ZDHHC11: variants seen among roughly 807,000 people sequenced by gnomAD.
ZDHHC11 encodes palmitoyltransferase ZDHHC11.
Under a neutral mutation model 51.3 loss-of-function variants are expected in ZDHHC11, and 44 were observed. The observed-to-expected ratio is 0.86, with a 90% CI of 0.67 to 1.10. ZDHHC11 has a LOEUF of 1.10. Ranked by LOEUF, ZDHHC11 falls within the 50% of genes least tolerant of loss-of-function variation. The pLI is 0.00. For synonymous variants in ZDHHC11, 163 were observed against 222.0 expected, an observed-to-expected ratio of 0.73 and a Z score of 2.36; for missense variants, 400 against 537.7, an observed-to-expected ratio of 0.74 and a Z score of 2.53.
intron 7 of ZDHHC11, among the ~76,000 whole-genome samples, chr5:833,218 G>A (rs548920743): frequency 2.6e-4 from 39 of 152,268 alleles, no homozygotes; most frequent in African/African-American, 3.8e-4. Flanking sequence ...CTGAAAATGC[G>A]CGTGCCCTTT....
At position 822,089 on chromosome 5, in the gene ZDHHC11, C is replaced by CTA. The variant is rs1006470485; in HGVS notation, c.1024-196_1024-195dup. Among the ~76,000 whole-genome samples the CTA allele has an allele frequency of 2.6e-5, 4 of 151,444 alleles. 2 individuals carry two copies. The highest frequency in any genetic ancestry group is 5.9e-5 in the Non-Finnish European group (4 of 67,744). On this transcript the variant is annotated intron_variant, in intron 8 of 12. Transcript: ENST00000283441. ...CCCAATCCTTGTATTATGGGCTGAA[C>CTA]TATATCCTCCTCCAAATTCATAGGT...
intron 1 of ZDHHC11, chr5:849,640 CCA>C (rs1746838183): frequency 6.6e-6 from 1 of 152,348 alleles, no homozygotes; most frequent in East Asian, 1.9e-4. Flanking sequence ...CTCGAGGACC[CCA>C]GACTCACTCA....
rs1417237875 is a variant in ZDHHC11 at position 796,490 on chromosome 5, G to A, written c.*98C>T. On this transcript the variant is annotated 3_prime_UTR_variant, in exon 13 of 13. Transcript: ENST00000283441. The stretch of plus-strand genomic sequence containing the variant: ...TGGCCTGTAGCATGGGTAGGAGCAG[G>A]AGGCTTTGCAAGGTAGACTCTACAG... The A allele has an allele frequency of 6.7e-6, 1 of 148,670 alleles. No individual in the cohort carries two copies. Among genetic ancestry groups the A allele is most frequent in the Non-Finnish European group, 1.5e-5 (1 of 66,974 alleles). The allele number at this position is 148,670 out of a possible 1,614,324, so 9.2% of individuals were successfully genotyped here.
At chr5:810,781 T>C (rs1362272454) in intron 11 of ZDHHC11, among the ~76,000 whole-genome samples, 1 of 151,826 alleles carries the variant, frequency 6.6e-6, no homozygotes, top group Non-Finnish European at 1.5e-5. Context: ...GTATAACACT[T>C]TTCACATTCA....
intron 1 of ZDHHC11, among the ~76,000 whole-genome samples, chr5:856,283 A>G (rs370864547): frequency 3.4e-5 from 5 of 147,570 alleles, no homozygotes; most frequent in African/African-American, 1.3e-4. Flanking sequence ...CACAACACAC[A>G]AAACACAACA....
intron 6 of ZDHHC11, among the ~76,000 whole-genome samples, chr5:834,698 G>C (rs1743577581): frequency 6.6e-6 from 1 of 152,300 alleles, no homozygotes; most frequent in Admixed American, 6.5e-5. Context: ...CACAAATTGA[G>C]GGTTTGTGGT....
At chr5:838,207 G>T (rs1415156656) in intron 5 of ZDHHC11, among the ~76,000 whole-genome samples, 4 of 151,958 alleles carry the variant, frequency 2.6e-5, no homozygotes, top group East Asian at 1.9e-4. Flanking sequence ...TACCCACCTG[G>T]CCTGTCCTGC....
chr5:852,504 G>A (rs544617283), upstream of ZDHHC11, among the ~76,000 whole-genome samples: 2 of 152,378 alleles, frequency 1.3e-5, no homozygotes, highest in South Asian at 4.1e-4. Context: ...AGACCCCACA[G>A]AGGACAACGA....
intron 7 of ZDHHC11, among the ~76,000 whole-genome samples, chr5:828,277 C>G (rs974181593): frequency 6.6e-6 from 1 of 151,308 alleles, no homozygotes; most frequent in Non-Finnish European, 1.5e-5. Flanking sequence ...GGGTGGTGGC[C>G]GGGCAGAGGG....
chr5:799,636 A>G (rs1738126339), intron 12 of ZDHHC11, among the ~76,000 whole-genome samples: 1 of 150,992 alleles, frequency 6.6e-6, no homozygotes, highest in Non-Finnish European at 1.5e-5. Flanking sequence ...AGGCTCTGCT[A>G]CTCCTCAGCC....
At chr5:849,285 G>A (rs1357831696) in intron 1 of ZDHHC11, among the ~76,000 whole-genome samples, 4 of 152,250 alleles carry the variant, frequency 2.6e-5, no homozygotes, top group Middle Eastern at 6.8e-3. Flanking sequence ...CACCCCCAGA[G>A]GCTCAGTCAG....
In ZDHHC11 at chr5:850,677, C is replaced by G; in HGVS notation, c.-75G>C. 1 of 1,556,654 alleles carries G rather than the reference C, an allele frequency of 6.4e-7. No individual in the cohort carries two copies. Among genetic ancestry groups the G allele is most frequent in the Non-Finnish European group, 8.7e-7 (1 of 1,143,848 alleles). ...CGGCCCCGCCCACTGTCACAGAGAC[C>G]AAGGGGACTGGGAATGCAGCCGCCA... On this transcript the variant is annotated 5_prime_UTR_variant, in exon 1 of 13. Coordinates refer to ENST00000283441, the MANE Select transcript of ZDHHC11 (RefSeq NM_024786.3).
chr5:836,990 G>A (rs569583533), intron 6 of ZDHHC11, among the ~76,000 whole-genome samples: 23 of 151,550 alleles, frequency 1.5e-4, no homozygotes, highest in African/African-American at 5.3e-4. Context: ...CCAGGAGGTG[G>A]AGGCTACAAT....
In ZDHHC11 at chr5:822,138, C is replaced by A; in HGVS notation, c.1024-243G>T. Among the ~76,000 whole-genome samples, 2 of 151,294 alleles carry A rather than the reference C, an allele frequency of 1.3e-5. 1 individual carries two copies. The highest frequency in any genetic ancestry group is 3.0e-5 in the Non-Finnish European group (2 of 67,708). On this transcript the variant is annotated intron_variant, in intron 8 of 12. Transcript: ENST00000283441. ...GTTGACATCCTGACACCCAGTACCT[C>A]AGAATGTGACTATATGTGGAGACAG...
Position 840,622 on chromosome 5 carries a change from C to T in ZDHHC11, c.657G>A (p.Leu219=). 6.2e-7 allele frequency: 1 copy of T among 1,613,868 alleles called. No individual in the cohort carries two copies. Residue 219 remains leucine, a synonymous_variant, in exon 5 of 13, where the codon CTG becomes CTA. Transcript: ENST00000283441. ...CCTGCACCGGGAACAGGGGGAGGAA[C>T]AGCAGCCACGTGTTCATATTCTTGA... ...EDVKNMNTWL[L]FLPLFPVQVQ...
intron 4 of ZDHHC11, chr5:841,830 G>A: frequency 1.0e-6 from 1 of 993,966 alleles, no homozygotes; most frequent in Non-Finnish European, 1.2e-6. Context: ...ATGGCAGAGG[G>A]ATGGATTCAG....
intron 7 of ZDHHC11, among the ~76,000 whole-genome samples, chr5:831,377 A>G (rs1009907280): frequency 6.7e-6 from 1 of 149,552 alleles, no homozygotes; most frequent in African/African-American, 2.5e-5. Flanking sequence ...TGAAGTCAAG[A>G]GTTCAAGACC....
At chr5:821,840 C>T in intron 9 of ZDHHC11, 21 bp downstream of exon 9, 1 of 1,592,860 alleles carries the variant, frequency 6.3e-7, no homozygotes, top group Non-Finnish European at 8.6e-7. Context: ...TAAAATAATC[C>T]CATTAAACTT....
intron 1 of ZDHHC11, among the ~76,000 whole-genome samples, chr5:857,925 T>A (rs1244984500): frequency 7.7e-6 from 1 of 129,548 alleles, no homozygotes; most frequent in Non-Finnish European, 1.6e-5. Flanking sequence ...TCCAGGTCCC[T>A]GTCCTGTCTT....
Sources: gnomAD v4.1 joint callset for allele counts (sites outside exome capture counted in the v4.1 genomes callset) on GRCh38, gnomAD v4.1.1 for gene constraint, MANE v1.5 for transcripts, NCBI Gene and HGNC (gene_info 2026-07-23, HGNC 2026-07-21) for gene names.